TAFA2: variants seen among roughly 807,000 people sequenced by gnomAD.
The protein encoded by TAFA2 is TAFA chemokine like family member 2.
TAFA2 carries 7 observed loss-of-function variants against 18.8 expected under a neutral mutation model. That is an observed-to-expected ratio of 0.37 (90% CI 0.21 to 0.70). The LOEUF is 0.70. Ranked by LOEUF, TAFA2 falls within the 30% of genes least tolerant of loss-of-function variation. The pLI, the probability that TAFA2 is intolerant of heterozygous loss-of-function variation, is 0.53. For missense variants in TAFA2, 122 were observed against 158.1 expected, an observed-to-expected ratio of 0.77 and a Z score of 1.23; for synonymous variants, 60 against 54.2, an observed-to-expected ratio of 1.11 and a Z score of -0.47.
At chr12:62,228,011 CT>C (rs1191881132) in intron 1 of TAFA2, among the ~76,000 whole-genome samples, 2 of 152,128 alleles carry the variant, frequency 1.3e-5, no homozygotes, top group East Asian at 3.9e-4. Flanking sequence ...GTTACTATGG[CT>C]TTGTAGTGTA....
At chr12:61,940,404 C>T (rs572314006) in intron 1 of TAFA2, among the ~76,000 whole-genome samples, 1 of 152,304 alleles carries the variant, frequency 6.6e-6, no homozygotes, top group Admixed American at 6.5e-5. Flanking sequence ...GGAGGAGTGG[C>T]CATCAGGGCT....
chr12:61,915,292 T>G (rs1876776792), intron 1 of TAFA2, among the ~76,000 whole-genome samples: 1 of 152,234 alleles, frequency 6.6e-6, no homozygotes, highest in Non-Finnish European at 1.5e-5. Flanking sequence ...ACGTAATCCA[T>G]ATATTCATCC....
chr12:61,841,855 G>A (rs1873197691), intron 2 of TAFA2, among the ~76,000 whole-genome samples: 1 of 151,990 alleles, frequency 6.6e-6, no homozygotes, highest in African/African-American at 2.4e-5. Flanking sequence ...ACATAAATAT[G>A]TACAATTATT....
chr12:62,093,685 G>A (rs926945974), intron 1 of TAFA2, among the ~76,000 whole-genome samples: 2 of 151,928 alleles, frequency 1.3e-5, no homozygotes, highest in African/African-American at 4.8e-5. Context: ...GAACATTTTT[G>A]GAACTCCATC....
intron 2 of TAFA2, among the ~76,000 whole-genome samples, chr12:61,769,996 C>T (rs75110268): frequency 6.6e-6 from 1 of 151,876 alleles, no homozygotes; most frequent in Non-Finnish European, 1.5e-5. Flanking sequence ...AAAAATGATA[C>T]AGGATATGAA....
At chr12:62,067,336 A>AT (rs1882516766) in intron 1 of TAFA2, among the ~76,000 whole-genome samples, 1 of 151,556 alleles carries the variant, frequency 6.6e-6, no homozygotes, top group African/African-American at 2.4e-5. Flanking sequence ...CCATTTGTTC[A>AT]TTTTTGCTTT....
chr12:61,786,181 G>A (rs966076905), intron 2 of TAFA2, among the ~76,000 whole-genome samples: 3 of 151,588 alleles, frequency 2.0e-5, no homozygotes, highest in Admixed American at 2.0e-4. Context: ...GGTTTCAAAA[G>A]CCAGACTAGG....
At chr12:62,202,741 T>C (rs924031559) in intron 1 of TAFA2, among the ~76,000 whole-genome samples, 6 of 152,134 alleles carry the variant, frequency 3.9e-5, no homozygotes, top group African/African-American at 1.4e-4. Context: ...TAAGAACTTC[T>C]TGATTTCTGC....
intron 1 of TAFA2, among the ~76,000 whole-genome samples, chr12:62,080,303 G>A (rs1461885858): frequency 6.6e-6 from 1 of 152,154 alleles, no homozygotes; most frequent in Non-Finnish European, 1.5e-5. Flanking sequence ...GATTCGGTCA[G>A]GCTTATCAAG....
intron 2 of TAFA2, among the ~76,000 whole-genome samples, chr12:61,769,577 A>AC (rs1255408258): frequency 1.3e-5 from 2 of 151,744 alleles, no homozygotes; most frequent in Non-Finnish European, 2.9e-5. Context: ...CTTTGAAGAC[A>AC]CCCCCCAGTA....
At chr12:62,112,135 C>T (rs1304332854) in intron 1 of TAFA2, among the ~76,000 whole-genome samples, 3 of 152,086 alleles carry the variant, frequency 2.0e-5, no homozygotes, top group Admixed American at 6.5e-5. Flanking sequence ...CCAGTCTTTC[C>T]TTTCCATATT....
chr12:61,913,867 T>C (rs1264500954), intron 1 of TAFA2, among the ~76,000 whole-genome samples: 5 of 152,212 alleles, frequency 3.3e-5, no homozygotes, highest in Admixed American at 6.5e-5. Context: ...TTCACAATCC[T>C]TCAACAGATC....
chr12:62,249,903 T>A (rs899083916), intron 1 of TAFA2, among the ~76,000 whole-genome samples: 1 of 152,210 alleles, frequency 6.6e-6, no homozygotes, highest in African/African-American at 2.4e-5. Context: ...GATTACAGTA[T>A]TGGCAGTCTA....
chr12:61,718,485 G>A (rs1376227534), intron 4 of TAFA2, among the ~76,000 whole-genome samples: 2 of 152,154 alleles, frequency 1.3e-5, no homozygotes, highest in Non-Finnish European at 2.9e-5. Flanking sequence ...TGTTTCAGGT[G>A]CAGAATCACA....
intron 4 of TAFA2, among the ~76,000 whole-genome samples, chr12:61,731,557 C>T (rs777458810): frequency 1.3e-5 from 2 of 151,838 alleles, no homozygotes; most frequent in Non-Finnish European, 2.9e-5. Flanking sequence ...ATCCTGAAAC[C>T]CTGCTCATTC....
intron 1 of TAFA2, chr12:62,070,637 T>C (rs1312456528): frequency 2.0e-5 from 3 of 152,172 alleles, no homozygotes; most frequent in African/African-American, 7.2e-5. Flanking sequence ...AGAAATCATT[T>C]GCACTTCAAA....
At chr12:61,933,514 C>A (rs1877646624) in intron 1 of TAFA2, among the ~76,000 whole-genome samples, 1 of 152,070 alleles carries the variant, frequency 6.6e-6, no homozygotes, top group Non-Finnish European at 1.5e-5. Flanking sequence ...AAATTTGAAA[C>A]CAGCCTGGGC....
At chr12:61,841,321 G>A (rs188954540) in intron 2 of TAFA2, among the ~76,000 whole-genome samples, 6 of 152,184 alleles carry the variant, frequency 3.9e-5, no homozygotes, top group Admixed American at 6.6e-5. Context: ...GGAATAACCT[G>A]TCTCAAACCA....
At chr12:61,794,940 A>C (rs980137227) in intron 2 of TAFA2, among the ~76,000 whole-genome samples, 4 of 152,226 alleles carry the variant, frequency 2.6e-5, no homozygotes, top group Admixed American at 2.0e-4. Context: ...GACACTTCTC[A>C]AAAGAAGACA....
Sources: gnomAD v4.1 joint callset for allele counts (sites outside exome capture counted in the v4.1 genomes callset) on GRCh38, gnomAD v4.1.1 for gene constraint, MANE v1.5 for transcripts, NCBI Gene and HGNC (gene_info 2026-07-23, HGNC 2026-07-21) for gene names.